The following UBE2R2 variants were observed in gnomAD, a reference collection of about 807,000 sequenced individuals.
UBE2R2 encodes the protein ubiquitin-conjugating enzyme E2 R2.
Under a neutral mutation model 27.8 loss-of-function variants are expected in UBE2R2, and 1 was observed. The ratio of observed to expected loss-of-function variants is 0.04; its 90% CI spans 0.01 to 0.17. UBE2R2 has a LOEUF of 0.17. Among genes scored for constraint, UBE2R2 ranks in the 10% least tolerant of loss-of-function variants. UBE2R2 has a pLI of 1.00. For synonymous variants in UBE2R2, 106 were observed against 113.3 expected, an observed-to-expected ratio of 0.94 and a Z score of 0.41; for missense variants, 100 against 291.0, an observed-to-expected ratio of 0.34 and a Z score of 4.78.
At chr9:33,851,698 G>A (rs903511345) in intron 1 of UBE2R2, among the ~76,000 whole-genome samples, 4 of 152,076 alleles carry the variant, frequency 2.6e-5, no homozygotes, top group Admixed American at 1.3e-4. Context: ...CTTTTTCCTT[G>A]TAATTCATGA....
chr9:33,895,249 G>A (rs961034674), intron 2 of UBE2R2, among the ~76,000 whole-genome samples: 1 of 152,162 alleles, frequency 6.6e-6, no homozygotes, highest in Non-Finnish European at 1.5e-5. Flanking sequence ...TAGGAGTTCA[G>A]TTGCATTTTT....
chr9:33,912,210 A>C, intron 4 of UBE2R2, 112 bp downstream of exon 4: 3 of 985,182 alleles, frequency 3.0e-6, no homozygotes, highest in Non-Finnish European at 4.4e-6. Flanking sequence ...ATTTTCCTCT[A>C]TTAGATTTAT....
At chr9:33,892,528 TG>T (rs1489426281) in intron 2 of UBE2R2, among the ~76,000 whole-genome samples, 3 of 152,130 alleles carry the variant, frequency 2.0e-5, no homozygotes, top group Non-Finnish European at 4.4e-5. Flanking sequence ...AGTTCCTCTA[TG>T]GGGTTATACA....
At chr9:33,832,332 A>G (rs889088685) in intron 1 of UBE2R2, among the ~76,000 whole-genome samples, 1 of 147,106 alleles carries the variant, frequency 6.8e-6, no homozygotes. Flanking sequence ...AAAGAAAAGA[A>G]ATTATTTAAT....
intron 1 of UBE2R2, among the ~76,000 whole-genome samples, chr9:33,843,625 C>T (rs889402971): frequency 6.6e-6 from 1 of 151,246 alleles, no homozygotes; most frequent in Non-Finnish European, 1.5e-5. Flanking sequence ...ATTATAGGCT[C>T]GCGCCACCAC....
chr9:33,846,410 T>C (rs1459506984), intron 1 of UBE2R2, among the ~76,000 whole-genome samples: 3 of 152,234 alleles, frequency 2.0e-5, no homozygotes, highest in Non-Finnish European at 4.4e-5. Context: ...TTAGGATAGT[T>C]ACATTGTCAT....
At chr9:33,893,757 A>G (rs902100297) in intron 2 of UBE2R2, among the ~76,000 whole-genome samples, 1 of 152,096 alleles carries the variant, frequency 6.6e-6, no homozygotes, top group African/African-American at 2.4e-5. Flanking sequence ...TCAACCACCC[A>G]AGTAGCTGGG....
rs1554675184 is a variant in UBE2R2 at position 33,877,823 on chromosome 9, G to GTCTC, written c.178-9035_178-9032dup. Among the ~76,000 whole-genome samples, 311 of 131,128 alleles carry GTCTC rather than the reference G, an allele frequency of 2.4e-3. 2 individuals carry two copies. Among genetic ancestry groups the GTCTC allele is most frequent in the Admixed American group, 2.9e-3 (39 of 13,550 alleles). The allele number at this position is 131,128 out of a possible 152,430, so 86.0% of individuals were successfully genotyped here. On this transcript the variant is annotated intron_variant, in intron 1 of 4. Coordinates refer to ENST00000263228, the MANE Select transcript of UBE2R2 (RefSeq NM_017811.4). ...TCTCTGTCTGTCTGTCTGTCTGTCTGTCTCTCTCTCTCTCTCTCTCTCTCT... is the reference window on the plus strand; with the variant it reads ...TCTCTGTCTGTCTGTCTGTCTGTCTGTCTCTCTCTCTCTCTCTCTCTCTCTCTCT...
chr9:33,886,779 A>AT, intron 1 of UBE2R2, 102 bp from the exon 2 acceptor site: 1 of 949,610 alleles, frequency 1.1e-6, no homozygotes, highest in East Asian at 2.9e-5. Flanking sequence ...AGTTTACTCT[A>AT]TGAAAGGAGC....
At chr9:33,820,434 C>T (rs771092302) in intron 1 of UBE2R2, among the ~76,000 whole-genome samples, 5 of 152,168 alleles carry the variant, frequency 3.3e-5, no homozygotes, top group Non-Finnish European at 5.9e-5. Context: ...GTATTTTCGA[C>T]TACTTTTTCC....
At position 33,920,376 on chromosome 9, in the gene UBE2R2, A is replaced by G. The variant is rs1274914504; in HGVS notation, c.*3139A>G. On this transcript the variant is annotated 3_prime_UTR_variant, in exon 5 of 5. Transcript: ENST00000263228. ...TGTCTACTAATAAAATGTGAAATAA[A>G]ATACCTGTATTGCTACTTCCCCATG... 3 of 152,238 alleles carry G rather than the reference A, an allele frequency of 2.0e-5. No individual in the cohort carries two copies. Among genetic ancestry groups the G allele is most frequent in the Non-Finnish European group, 4.4e-5 (3 of 68,040 alleles). 9.4% of individuals were successfully genotyped at this position (152,238 alleles called of 1,614,324 possible).
chr9:33,873,611 T>G (rs750906851), intron 1 of UBE2R2, among the ~76,000 whole-genome samples: 7 of 152,124 alleles, frequency 4.6e-5, no homozygotes, highest in Non-Finnish European at 8.8e-5. Context: ...ATGTACACAA[T>G]TTCGAATGAA....
chr9:33,919,713 C>T lies in UBE2R2; in HGVS notation c.*2476C>T, dbSNP rs949873731. ...TGAGAACACATCCCTGTGGAAAATA[C>T]TTGAGTTTGTAATTTTTTTTCCCCC... On this transcript the variant is annotated 3_prime_UTR_variant, in exon 5 of 5. Coordinates refer to ENST00000263228, the MANE Select transcript of UBE2R2 (RefSeq NM_017811.4). 1.3e-5 allele frequency: 2 copies of T among 148,980 alleles called. No individual in the cohort carries two copies. The highest frequency in any genetic ancestry group is 3.0e-5 in the Non-Finnish European group (2 of 67,346). The allele number at this position is 148,980 out of a possible 1,614,324, so 9.2% of individuals were successfully genotyped here.
At chr9:33,839,048 C>T (rs1820675434) in intron 1 of UBE2R2, among the ~76,000 whole-genome samples, 1 of 146,648 alleles carries the variant, frequency 6.8e-6, no homozygotes, top group East Asian at 2.0e-4. Context: ...AGGCACTGTA[C>T]TCCAACCTAG....
intron 2 of UBE2R2, among the ~76,000 whole-genome samples, chr9:33,896,939 G>A (rs1822119139): frequency 7.5e-6 from 1 of 134,142 alleles, no homozygotes; most frequent in Admixed American, 7.3e-5. Context: ...TACTAAGAAG[G>A]TTGTGTTTTT....
At chr9:33,879,547 G>C (rs1473446388) in intron 1 of UBE2R2, among the ~76,000 whole-genome samples, 2 of 150,664 alleles carry the variant, frequency 1.3e-5, no homozygotes, top group African/African-American at 2.4e-5. Flanking sequence ...TCGACCTCCT[G>C]GGCTCAGGTG....
At chr9:33,862,270 T>C (rs750262675) in intron 1 of UBE2R2, among the ~76,000 whole-genome samples, 12 of 152,174 alleles carry the variant, frequency 7.9e-5, no homozygotes, top group Non-Finnish European at 1.5e-4. Context: ...TTGCCATCAT[T>C]ATAACCTAGA....
At chr9:33,865,689 T>C (rs766087947) in intron 1 of UBE2R2, among the ~76,000 whole-genome samples, 2 of 152,204 alleles carry the variant, frequency 1.3e-5, no homozygotes, top group African/African-American at 2.4e-5. Flanking sequence ...TACATTAATA[T>C]AACTATGTAA....
intron 3 of UBE2R2, among the ~76,000 whole-genome samples, chr9:33,910,976 T>C (rs926381803): frequency 2.0e-5 from 3 of 152,030 alleles, no homozygotes; most frequent in African/African-American, 7.2e-5. Context: ...GGTAGTACAA[T>C]GCCTGTAATC....
Sources: gnomAD v4.1 joint callset for allele counts (sites outside exome capture counted in the v4.1 genomes callset) on GRCh38, gnomAD v4.1.1 for gene constraint, MANE v1.5 for transcripts, NCBI Gene and HGNC (gene_info 2026-07-23, HGNC 2026-07-21) for gene names.